The following CNTN5 variants were observed in gnomAD, a reference collection of about 807,000 sequenced individuals.
CNTN5 encodes contactin-5.
In CNTN5, 77 loss-of-function variants were observed where a neutral mutation model predicts 129.1. That is an observed-to-expected ratio of 0.60 (90% CI 0.50 to 0.72). The LOEUF (loss-of-function observed/expected upper bound fraction) is 0.72, where lower values mean the gene tolerates loss of function less well. Among genes scored for constraint, CNTN5 ranks in the 30% least tolerant of loss-of-function variants. The probability of loss-of-function intolerance (pLI) is 0.00; values close to 1 mark genes in which losing one functional copy is unlikely to be tolerated. For missense variants in CNTN5, 1,478 were observed against 1,328.8 expected (o/e 1.11, Z -1.75); for synonymous variants, 509 against 465.6 (o/e 1.09, Z -1.20).
At chr11:100,024,432 G>A (rs1471822951) in intron 9 of CNTN5, among the ~76,000 whole-genome samples, 1 of 152,134 alleles carries the variant, frequency 6.6e-6, no homozygotes, top group African/African-American at 2.4e-5. Flanking sequence ...TTGGTACTGG[G>A]AGTGGGGCAC....
intron 18 of CNTN5, among the ~76,000 whole-genome samples, chr11:100,283,359 T>C (rs1950684378): frequency 6.6e-6 from 1 of 152,128 alleles, no homozygotes. Context: ...GAGGAAGGTA[T>C]CTCTTATGGA....
chr11:99,597,178 A>G (rs1467382679), intron 3 of CNTN5, among the ~76,000 whole-genome samples: 1 of 152,184 alleles, frequency 6.6e-6, no homozygotes, highest in Non-Finnish European at 1.5e-5. Flanking sequence ...CATTTGAGTA[A>G]CAAATATAAT....
rs1271238617 is a variant in CNTN5, at chr11:99,769,453, T to C, written c.56-50091T>C. Among the ~76,000 whole-genome samples, 12 of 152,206 alleles carry C rather than the reference T, an allele frequency of 7.9e-5. No homozygotes were observed. The East Asian group carries it at 1.9e-3, about 24-fold the overall frequency. On this transcript the variant is annotated intron_variant, in intron 3 of 24. Coordinates refer to ENST00000524871, the MANE Select transcript of CNTN5 (RefSeq NM_014361.4). ...CTAATTCAAATTCAGTGATATATGGTTTTTCCTCACCTCTCTCACTCTATA... is the reference window on the plus strand; with the variant it reads ...CTAATTCAAATTCAGTGATATATGGCTTTTCCTCACCTCTCTCACTCTATA...
intron 2 of CNTN5, among the ~76,000 whole-genome samples, chr11:99,385,365 T>G (rs985070984): frequency 6.6e-6 from 1 of 152,068 alleles, no homozygotes; most frequent in Non-Finnish European, 1.5e-5. Flanking sequence ...CAGCTTGGAT[T>G]TGGTGATTTG....
At chr11:99,528,549 GA>G (rs1408838047) in intron 2 of CNTN5, among the ~76,000 whole-genome samples, 2 of 152,316 alleles carry the variant, frequency 1.3e-5, no homozygotes, top group Admixed American at 1.3e-4. Context: ...GTCACCAAAA[GA>G]GCTGAGATCT....
intron 3 of CNTN5, among the ~76,000 whole-genome samples, chr11:99,629,473 C>G (rs1183342293): frequency 6.6e-6 from 1 of 151,958 alleles, no homozygotes; most frequent in Non-Finnish European, 1.5e-5. Context: ...TATTATCCTA[C>G]AGTTATCTAT....
intron 3 of CNTN5, among the ~76,000 whole-genome samples, chr11:99,630,740 A>T (rs890812154): frequency 1.3e-5 from 2 of 148,500 alleles, no homozygotes; most frequent in African/African-American, 2.5e-5. Context: ...TAGACAGTAG[A>T]AACTTTATAT....
intron 1 of CNTN5, among the ~76,000 whole-genome samples, chr11:99,037,445 T>C (rs528677708): frequency 9.9e-5 from 15 of 152,114 alleles, no homozygotes; most frequent in Non-Finnish European, 1.8e-4. Context: ...GCTACAACAA[T>C]GCATATATTT....
intron 1 of CNTN5, among the ~76,000 whole-genome samples, chr11:99,246,913 A>C (rs1220769745): frequency 7.9e-5 from 12 of 152,180 alleles, no homozygotes; most frequent in Non-Finnish European, 1.8e-4. Flanking sequence ...GATTAATCAC[A>C]AAATATTAAT....
intron 1 of CNTN5, among the ~76,000 whole-genome samples, chr11:99,271,540 A>G (rs560375637): frequency 5.3e-5 from 8 of 152,016 alleles, no homozygotes; most frequent in African/African-American, 1.7e-4. Flanking sequence ...AGCCTAAAGC[A>G]TCATATATTT....
Position 99,995,386 on chromosome 11 carries a change from T to A in CNTN5, c.878-6648T>A, listed in dbSNP as rs1262126153. 3.3e-5 allele frequency among the ~76,000 whole-genome samples: 5 copies of A among 151,948 alleles called. No individual in the cohort carries two copies. The East Asian group carries it at 9.6e-4, about 29-fold the overall frequency. On this transcript the variant is annotated intron_variant, in intron 8 of 24. Transcript: ENST00000524871. The stretch of plus-strand genomic sequence containing the variant: ...GATAACCTTTCTGTCTTATGTGAGA[T>A]TAAACATTTTCCATCTAAACTTATC...
chr11:100,202,581 T>C (rs183882453), intron 15 of CNTN5, among the ~76,000 whole-genome samples: 204 of 151,192 alleles, frequency 1.3e-3, no homozygotes, highest in Non-Finnish European at 1.9e-3. Flanking sequence ...GCCGTATAAG[T>C]CAGATTATTA....
At chr11:99,743,925 CAG>C (rs1943963041) in intron 3 of CNTN5, among the ~76,000 whole-genome samples, 1 of 152,106 alleles carries the variant, frequency 6.6e-6, no homozygotes, top group Non-Finnish European at 1.5e-5. Context: ...TATTCAGAAG[CAG>C]TAAATGTTGA....
At chr11:99,771,200 A>G (rs1380716946) in intron 3 of CNTN5, among the ~76,000 whole-genome samples, 1 of 152,046 alleles carries the variant, frequency 6.6e-6, no homozygotes, top group Non-Finnish European at 1.5e-5. Context: ...TCACATACAG[A>G]AGAATCCAGC....
intron 3 of CNTN5, among the ~76,000 whole-genome samples, chr11:99,622,086 G>GC (rs1333686819): frequency 6.6e-6 from 1 of 152,174 alleles, no homozygotes; most frequent in Non-Finnish European, 1.5e-5. Flanking sequence ...TACCAAGGCA[G>GC]CCATTGAGCA....
chr11:99,419,130 T>G (rs2135045467), intron 2 of CNTN5, among the ~76,000 whole-genome samples: 1 of 152,334 alleles, frequency 6.6e-6, no homozygotes, highest in South Asian at 2.1e-4. Context: ...CATATTCTAA[T>G]TCTTAGAAAA....
rs181288713 is a variant in CNTN5 at position 99,290,047 on chromosome 11, A to G, written c.-209-35299A>G. Among the ~76,000 whole-genome samples, 384 of 151,940 alleles carry G rather than the reference A, an allele frequency of 2.5e-3. 2 individuals are homozygous for G. The highest frequency in any genetic ancestry group is 8.5e-3 in the African/African-American group (355 of 41,550). Reference sequence around the variant, plus strand: ...ACATTCTGCTACATCTGAAGTTATTAAAAATGAACTCTGAATATTTTTAAT... The same window carrying G: ...ACATTCTGCTACATCTGAAGTTATTGAAAATGAACTCTGAATATTTTTAAT... On this transcript the variant is annotated intron_variant, in intron 1 of 24. Coordinates refer to ENST00000524871, the MANE Select transcript of CNTN5 (RefSeq NM_014361.4).
chr11:99,218,832 T>A (rs1018988593), intron 1 of CNTN5, among the ~76,000 whole-genome samples: 3 of 152,086 alleles, frequency 2.0e-5, no homozygotes, highest in African/African-American at 7.2e-5. Context: ...GTATGGAACT[T>A]CTAGGATTTG....
At position 99,528,785 on chromosome 11, in the gene CNTN5, C is replaced by T. The variant is rs147528309; in HGVS notation, c.-70-27360C>T. 2.1e-3 allele frequency among the ~76,000 whole-genome samples: 325 copies of T among 152,154 alleles called. 1 individual carries two copies. The highest frequency in any genetic ancestry group is 6.6e-3 in the African/African-American group (273 of 41,522). ...TCAGCCAGGTGCCTATGGCTCAGGC[C>T]GGGCGTAGTGGCTCATGCCTGTAAT... On this transcript the variant is annotated intron_variant, in intron 2 of 24. Coordinates refer to ENST00000524871, the MANE Select transcript of CNTN5 (RefSeq NM_014361.4).
Sources: allele counts gnomAD v4.1 joint callset (sites outside exome capture counted in the v4.1 genomes callset), GRCh38; gene constraint gnomAD v4.1.1; transcripts MANE v1.5; gene names NCBI Gene and HGNC (gene_info 2026-07-23, HGNC 2026-07-21).